Variants in NUDCD3 observed in about 807,000 individuals in gnomAD.
NUDCD3 encodes nudC domain-containing protein 3.
NUDCD3 carries 13 observed loss-of-function variants against 39.7 expected under a neutral mutation model. The observed-to-expected ratio is 0.33, with a 90% CI of 0.21 to 0.52. NUDCD3 has a LOEUF of 0.52. Ranked by LOEUF, NUDCD3 falls within the 20% of genes least tolerant of loss-of-function variation. The pLI is 0.96. For synonymous variants in NUDCD3, 175 were observed against 172.4 expected, an observed-to-expected ratio of 1.02 and a Z score of -0.12; for missense variants, 453 against 458.1, an observed-to-expected ratio of 0.99 and a Z score of 0.10.
At chr7:44,396,639 C>A (rs1798631203) in intron 4 of NUDCD3, among the ~76,000 whole-genome samples, 1 of 152,124 alleles carries the variant, frequency 6.6e-6, no homozygotes, top group Non-Finnish European at 1.5e-5. Flanking sequence ...TGACAAGCTT[C>A]TTTATGCTCT....
intron 5 of NUDCD3, among the ~76,000 whole-genome samples, 170 bp downstream of exon 5, chr7:44,392,113 CTGTGAGGCAGTGAT>C (rs1234609731): frequency 2.0e-5 from 3 of 152,222 alleles, no homozygotes; most frequent in Non-Finnish European, 4.4e-5. Context: ...CAGAGTGCAC[CTGTGAGGCAGTGAT>C]TGGGGACAAG....
chr7:44,434,855 G>A (rs906900411), intron 2 of NUDCD3, among the ~76,000 whole-genome samples: 2 of 152,164 alleles, frequency 1.3e-5, no homozygotes, highest in Admixed American at 6.5e-5. Context: ...CCTATAAAAT[G>A]GGAACACTAA....
chr7:44,433,037 C>A (rs1444535863), intron 2 of NUDCD3, among the ~76,000 whole-genome samples: 1 of 152,094 alleles, frequency 6.6e-6, no homozygotes, highest in Non-Finnish European at 1.5e-5. Flanking sequence ...GGATTAGTGC[C>A]CTTACATGGA....
chr7:44,442,693 CTTTTTTT>C (rs869244799), intron 2 of NUDCD3, among the ~76,000 whole-genome samples: 4 of 124,352 alleles, frequency 3.2e-5, no homozygotes, highest in African/African-American at 1.2e-4. Context: ...CTCCCCTTTT[CTTTTTTT>C]TTTTTTTTTT....
rs1246110547 is a variant in NUDCD3 at position 44,381,679 on chromosome 7, A to T, written c.*4332T>A. On this transcript the variant is annotated 3_prime_UTR_variant, in exon 6 of 6. Coordinates refer to ENST00000355451, the MANE Select transcript of NUDCD3 (RefSeq NM_015332.4). ...GGCAGCTTTCCTGCAAGTGTTTCCT[A>T]AGCTGTCCTTCTCCAGGGAGAATAG... The T allele has an allele frequency of 1.3e-5, 2 of 152,344 alleles. No individual in the cohort carries two copies. The highest frequency in any genetic ancestry group is 4.8e-5 in the African/African-American group (2 of 41,532). The allele number at this position is 152,344 out of a possible 1,614,324, so 9.4% of individuals were successfully genotyped here. A position where few individuals can be genotyped will look rare whatever the true frequency, so the allele number is the denominator to read the frequency against.
At chr7:44,415,998 ATAAAC>A (rs921794541) in intron 3 of NUDCD3, among the ~76,000 whole-genome samples, 2 of 152,240 alleles carry the variant, frequency 1.3e-5, no homozygotes, top group Non-Finnish European at 2.9e-5. Context: ...GAGATACAAA[ATAAAC>A]TTTTTCCAAA....
intron 2 of NUDCD3, among the ~76,000 whole-genome samples, chr7:44,455,722 C>T (rs912091995): frequency 2.6e-5 from 4 of 152,142 alleles, no homozygotes; most frequent in South Asian, 4.1e-4. Context: ...AGAACAATGA[C>T]ACAACTTTGC....
At chr7:44,422,072 G>A (rs750144005) in intron 3 of NUDCD3, among the ~76,000 whole-genome samples, 2 of 152,132 alleles carry the variant, frequency 1.3e-5, no homozygotes, top group Admixed American at 6.5e-5. Context: ...CAGAAATAAC[G>A]AAGTTCTCTG....
intron 2 of NUDCD3, among the ~76,000 whole-genome samples, chr7:44,484,222 C>T (rs1389861072): frequency 6.6e-6 from 1 of 152,168 alleles, no homozygotes; most frequent in African/African-American, 2.4e-5. Flanking sequence ...CTACAACTCC[C>T]ACACAAGAAG....
chr7:44,392,826 A>G lies in NUDCD3; in HGVS notation c.787-341T>C, dbSNP rs144851484. On this transcript the variant is annotated intron_variant, in intron 4 of 5. Coordinates refer to ENST00000355451, the MANE Select transcript of NUDCD3 (RefSeq NM_015332.4). ...GCACACCTTGCCCACTCTCATGAAG[A>G]AAGGCTATTTTCCAAGACCCATGAC... Among the ~76,000 whole-genome samples the G allele has an allele frequency of 5.3e-5, 8 of 152,178 alleles. No individual in the cohort carries two copies. In the East Asian group the frequency reaches 1.5e-3, roughly 29 times the overall value.
intron 3 of NUDCD3, among the ~76,000 whole-genome samples, chr7:44,426,540 T>C (rs1799238982): frequency 1.3e-5 from 2 of 152,124 alleles, no homozygotes; most frequent in Admixed American, 1.3e-4. Context: ...CTCACGCCTG[T>C]AATCCCAGCA....
At chr7:44,444,578 CAG>C (rs1799654056) in intron 2 of NUDCD3, among the ~76,000 whole-genome samples, 1 of 152,306 alleles carries the variant, frequency 6.6e-6, no homozygotes, top group East Asian at 1.9e-4. Context: ...ATTACTTTGA[CAG>C]AGCAAAACTC....
At chr7:44,464,634 A>G (rs1322717841) in intron 2 of NUDCD3, among the ~76,000 whole-genome samples, 1 of 152,082 alleles carries the variant, frequency 6.6e-6, no homozygotes, top group Non-Finnish European at 1.5e-5. Context: ...TTGTATTTTT[A>G]GTAGAGACAG....
chr7:44,391,330 G>A (rs2116859461), intron 5 of NUDCD3, among the ~76,000 whole-genome samples: 1 of 152,256 alleles, frequency 6.6e-6, no homozygotes, highest in African/African-American at 2.4e-5. Flanking sequence ...ATAAGAGCAG[G>A]ATGCACCTGT....
chr7:44,458,663 G>A (rs1030972363), intron 2 of NUDCD3, among the ~76,000 whole-genome samples: 27 of 150,448 alleles, frequency 1.8e-4, no homozygotes, highest in Non-Finnish European at 2.8e-4. Context: ...TGTCTCGGGG[G>A]AAAAAAAAAG....
chr7:44,414,646 T>C (rs539420841), intron 3 of NUDCD3, among the ~76,000 whole-genome samples: 30 of 152,348 alleles, frequency 2.0e-4, no homozygotes, highest in South Asian at 4.1e-4. Context: ...TGTGTTGTTA[T>C]ACAAGTTTTT....
intron 2 of NUDCD3, among the ~76,000 whole-genome samples, chr7:44,483,508 T>C (rs1563191278): frequency 6.6e-6 from 1 of 152,184 alleles, no homozygotes; most frequent in East Asian, 1.9e-4. Context: ...TTCCACCCTA[T>C]ACTCCCCACT....
chr7:44,452,487 C>T (rs1229927895), intron 2 of NUDCD3, among the ~76,000 whole-genome samples: 5 of 152,154 alleles, frequency 3.3e-5, no homozygotes, highest in South Asian at 2.1e-4. Context: ...GGTGTGGACA[C>T]GCTGAAGACA....
chr7:44,434,442 G>T (rs1046418424), intron 2 of NUDCD3, among the ~76,000 whole-genome samples: 4 of 152,090 alleles, frequency 2.6e-5, no homozygotes, highest in Non-Finnish European at 5.9e-5. Context: ...CTAGAGGGTG[G>T]TGCCTCCCTG....
Sources: allele counts gnomAD v4.1 joint callset (sites outside exome capture counted in the v4.1 genomes callset), GRCh38; gene constraint gnomAD v4.1.1; transcripts MANE v1.5; gene names NCBI Gene and HGNC (gene_info 2026-07-23, HGNC 2026-07-21).